The following LRP1B variants were observed in gnomAD, a reference collection of about 807,000 sequenced individuals.
LRP1B encodes the protein LDL receptor related protein 1B, also known as low-density lipoprotein receptor-related protein 1B.
Under a neutral mutation model 556.6 loss-of-function variants are expected in LRP1B, and 217 were observed. The ratio of observed to expected loss-of-function variants is 0.39; its 90% CI spans 0.35 to 0.44. The LOEUF (loss-of-function observed/expected upper bound fraction) is 0.44, where lower values mean the gene tolerates loss of function less well. Among genes scored for constraint, LRP1B ranks in the 20% least tolerant of loss-of-function variants. The pLI, the probability that LRP1B is intolerant of heterozygous loss-of-function variation, is 1.00. For missense variants in LRP1B, 5,053 were observed against 5,620.8 expected, an observed-to-expected ratio of 0.90 and a Z score of 3.23; for synonymous variants, 2,047 against 1,865.8, an observed-to-expected ratio of 1.10 and a Z score of -2.50.
Position 140,704,423 on chromosome 2 carries a change from T to C in LRP1B, c.6024-1870A>G, listed in dbSNP as rs1686754461. On this transcript the variant is annotated intron_variant, in intron 37 of 90. Coordinates refer to ENST00000389484, the MANE Select transcript of LRP1B (RefSeq NM_018557.3). ...ATGGCTACAATCTCAATTATATTAA[T>C]CCTGAAGAAAATTTCATTCATATTT... is the stretch of plus-strand genomic sequence containing the variant. 2.0e-5 allele frequency among the ~76,000 whole-genome samples: 3 copies of C among 152,200 alleles called. No homozygotes were observed. The South Asian group carries it at 6.2e-4, about 32-fold the overall frequency.
intron 72 of LRP1B, among the ~76,000 whole-genome samples, chr2:140,361,343 T>G: frequency 1.2e-5 from 1 of 85,230 alleles, no homozygotes; most frequent in Admixed American, 1.1e-4. Context: ...TTGGAAAGCA[T>G]ATATATATAT....
At chr2:142,067,357 A>G (rs1012789662) in intron 1 of LRP1B, among the ~76,000 whole-genome samples, 1 of 151,514 alleles carries the variant, frequency 6.6e-6, no homozygotes, top group Non-Finnish European at 1.5e-5. Context: ...AAAAAAGTTT[A>G]AAAAATGTAA....
intron 55 of LRP1B, among the ~76,000 whole-genome samples, chr2:140,497,781 T>G (rs992881288): frequency 6.6e-6 from 1 of 151,890 alleles, no homozygotes; most frequent in African/African-American, 2.4e-5. Context: ...CATGTCAGGT[T>G]TATAGAAGAA....
chr2:141,500,156 C>T (rs768038355), intron 2 of LRP1B, among the ~76,000 whole-genome samples: 5 of 152,104 alleles, frequency 3.3e-5, no homozygotes, highest in East Asian at 3.9e-4. Flanking sequence ...CTATTTGAGT[C>T]TGAATAACAA....
chr2:141,502,343 C>A (rs1683746977), intron 2 of LRP1B, among the ~76,000 whole-genome samples: 1 of 152,140 alleles, frequency 6.6e-6, no homozygotes, highest in South Asian at 2.1e-4. Flanking sequence ...TCACCTTGAA[C>A]TAAATGGTGA....
chr2:141,781,881 G>A (rs1695266516), intron 2 of LRP1B, among the ~76,000 whole-genome samples: 1 of 152,058 alleles, frequency 6.6e-6, no homozygotes, highest in Non-Finnish European at 1.5e-5. Flanking sequence ...AGATGTTAAT[G>A]ACCTTTTTCT....
intron 66 of LRP1B, among the ~76,000 whole-genome samples, chr2:140,427,597 C>A (rs1263858956): frequency 1.3e-5 from 2 of 152,146 alleles, no homozygotes; most frequent in Admixed American, 1.3e-4. Context: ...CTAAATAATT[C>A]TTGTCGTAAA....
chr2:140,851,713 C>A lies in LRP1B; in HGVS notation c.4650G>T (p.Arg1550Ser), dbSNP rs374921742. 6.4e-5 allele frequency: 103 copies of A among 1,611,470 alleles called. No individual in the cohort carries two copies. Among genetic ancestry groups the A allele is most frequent in the Non-Finnish European group, 8.4e-5 (99 of 1,179,124 alleles). The change falls in exon 28 of 91, where the codon AGG (arginine) becomes AGT (serine). Residue 1550 changes from arginine (R) to serine (S), a missense_variant. Arg to Ser is a moderately radical substitution (Grantham distance 110). Transcript: ENST00000389484. ...CSHMCLINHN[R>S]SAACACPHLM... ...AGTGGGGGCACGCACAGGCAGCACT[C>A]CTATTGTGATTGATTAGACACATGT...
intron 2 of LRP1B, among the ~76,000 whole-genome samples, chr2:141,667,854 T>A (rs1574218206): frequency 6.6e-6 from 1 of 152,290 alleles, no homozygotes; most frequent in East Asian, 1.9e-4. Flanking sequence ...TAGTGAATAT[T>A]TATAGAAAGA....
intron 2 of LRP1B, among the ~76,000 whole-genome samples, chr2:141,624,032 T>TAAAAAAAAA (rs761446527): frequency 2.1e-3 from 30 of 14,436 alleles, no homozygotes; most frequent in Non-Finnish European, 3.8e-3. Flanking sequence ...AAAAAAAAAT[T>TAAAAAAAAA]AAACAAAAAA....
chr2:140,657,620 T>TATACATACATAC (rs1684934633), intron 41 of LRP1B, among the ~76,000 whole-genome samples: 1 of 137,708 alleles, frequency 7.3e-6, no homozygotes, highest in Admixed American at 7.3e-5. Context: ...TATACATACA[T>TATACATACATAC]ATATACATAC....
At position 141,058,867 on chromosome 2, in the gene LRP1B, A is replaced by C; in HGVS notation, c.1408+16T>G. The stretch of plus-strand genomic sequence containing the variant: ...ATCTACCATTAGGAAGGTAATAAAG[A>C]AGCTTTCCCACTTACCTGTTGGTTG... On this transcript the variant is annotated intron_variant, in intron 9 of 90. Transcript: ENST00000389484. 3 of 1,567,854 alleles carry C rather than the reference A, an allele frequency of 1.9e-6. No homozygotes were observed. Among genetic ancestry groups the C allele is most frequent in the Non-Finnish European group, 1.7e-6 (2 of 1,159,388 alleles).
chr2:141,473,928 A>C (rs1682581700), intron 3 of LRP1B, among the ~76,000 whole-genome samples: 3 of 119,616 alleles, frequency 2.5e-5, no homozygotes. Flanking sequence ...CTATGACAAG[A>C]TTAATTAAGT....
intron 2 of LRP1B, among the ~76,000 whole-genome samples, chr2:141,651,828 A>T (rs1290385327): frequency 1.3e-5 from 2 of 152,210 alleles, no homozygotes; most frequent in Admixed American, 6.5e-5. Flanking sequence ...GTACAGGATT[A>T]TATAATTTTT....
intron 3 of LRP1B, among the ~76,000 whole-genome samples, chr2:141,345,422 A>G (rs956894330): frequency 6.6e-6 from 1 of 152,012 alleles, no homozygotes; most frequent in Non-Finnish European, 1.5e-5. Context: ...ATTTGACACA[A>G]TTCTATTTTC....
At chr2:140,956,587 A>G (rs1442021405) in intron 18 of LRP1B, among the ~76,000 whole-genome samples, 1 of 151,766 alleles carries the variant, frequency 6.6e-6, no homozygotes, top group Admixed American at 6.6e-5. Context: ...TGTGGCTCCC[A>G]AGAATTGGTA....
intron 7 of LRP1B, among the ~76,000 whole-genome samples, chr2:141,079,382 T>A (rs1295156020): frequency 6.6e-6 from 1 of 152,200 alleles, no homozygotes; most frequent in Non-Finnish European, 1.5e-5. Flanking sequence ...AGCTCTAATG[T>A]GCTGAGAGAC....
At chr2:141,753,271 T>TATATGGAG (rs1370390343) in intron 2 of LRP1B, among the ~76,000 whole-genome samples, 1 of 128,190 alleles carries the variant, frequency 7.8e-6, no homozygotes, top group Non-Finnish European at 1.7e-5. Flanking sequence ...TCCATATATA[T>TATATGGAG]ATATATATAT....
intron 29 of LRP1B, among the ~76,000 whole-genome samples, chr2:140,846,674 C>G (rs1477202856): frequency 6.6e-6 from 1 of 151,964 alleles, no homozygotes; most frequent in Non-Finnish European, 1.5e-5. Context: ...TATATTTAGA[C>G]TAAGGAAGGT....
Sources: gnomAD v4.1 joint callset for allele counts (sites outside exome capture counted in the v4.1 genomes callset) on GRCh38, gnomAD v4.1.1 for gene constraint, MANE v1.5 for transcripts, NCBI Gene and HGNC (gene_info 2026-07-23, HGNC 2026-07-21) for gene names.